The following MRE11 variants were observed in gnomAD, a reference collection of about 807,000 sequenced individuals.
MRE11 encodes the protein MRE11 double strand break repair nuclease.
In MRE11, 62 loss-of-function variants were observed where a neutral mutation model predicts 91.7. That is an observed-to-expected ratio of 0.68 (90% CI 0.55 to 0.84). The LOEUF (loss-of-function observed/expected upper bound fraction) is 0.84, where lower values mean the gene tolerates loss of function less well. Ranked by LOEUF, MRE11 falls within the 40% of genes least tolerant of loss-of-function variation. The pLI, the probability that MRE11 is intolerant of heterozygous loss-of-function variation, is 0.00. For synonymous variants in MRE11, 273 were observed against 271.4 expected (o/e 1.01, Z -0.06); for missense variants, 796 against 852.9 (o/e 0.93, Z 0.83).
intron 1 of MRE11, 101 bp downstream of exon 1, chr11:94,493,690 G>C (rs1947356556): frequency 6.6e-6 from 1 of 152,274 alleles, no homozygotes; most frequent in South Asian, 2.1e-4. Context: ...TTACCCCACT[G>C]CTGGACTCTT....
chr11:94,450,743 G>C (rs1418664345), intron 14 of MRE11, among the ~76,000 whole-genome samples: 1 of 152,024 alleles, frequency 6.6e-6, no homozygotes, highest in Non-Finnish European at 1.5e-5. Flanking sequence ...AGCCTGCTAA[G>C]AATAAATGTA....
Position 94,471,738 on chromosome 11 carries a change from G to A in MRE11, c.681C>T (p.Asn227=), listed in dbSNP as rs1490100562. ...CATCCAAAAATTGTTCTGGAATGAA[G>A]TTAGTACTTCCATGTTTACTCCTGT... is the stretch of plus-strand genomic sequence containing the variant. ...HQNRSKHGST[N]FIPEQFLDDF... Residue 227 remains asparagine (N), a synonymous_variant, in exon 8 of 20, where the codon AAC becomes AAT. Coordinates refer to ENST00000323929, the MANE Select transcript of MRE11 (RefSeq NM_005591.4). The A allele has an allele frequency of 1.9e-6, 3 of 1,611,746 alleles. No homozygotes were observed. The highest frequency in any genetic ancestry group is 2.5e-6 in the Non-Finnish European group (3 of 1,178,658).
At chr11:94,465,586 G>C (rs1224438130) in intron 10 of MRE11, among the ~76,000 whole-genome samples, 1 of 151,850 alleles carries the variant, frequency 6.6e-6, no homozygotes, top group Non-Finnish European at 1.5e-5. Flanking sequence ...AGTAGAGACA[G>C]GGTTTTGCCA....
At chr11:94,478,593 A>C (rs1298512805) in intron 6 of MRE11, 142 bp downstream of exon 6, 2 of 1,017,002 alleles carry the variant, frequency 2.0e-6, no homozygotes, top group Non-Finnish European at 2.8e-6. Flanking sequence ...TTTTTACCAA[A>C]ACCATCCATC....
At chr11:94,456,186 C>T in intron 14 of MRE11, 90 bp downstream of exon 14, 1 of 1,233,870 alleles carries the variant, frequency 8.1e-7, no homozygotes, top group Non-Finnish European at 1.2e-6. Context: ...TCCCCTAGAC[C>T]TATGGACTGA....
At chr11:94,475,528 C>T in intron 7 of MRE11, 1 of 449,502 alleles carries the variant, frequency 2.2e-6, no homozygotes, top group Non-Finnish European at 4.5e-6. Flanking sequence ...GTTTCATTGC[C>T]ATCACTGTCA....
Position 94,466,193 on chromosome 11 carries a change from A to G in MRE11, c.1098+1620T>C, listed in dbSNP as rs397509352. Among the ~76,000 whole-genome samples the G allele has an allele frequency of 6.6e-6, 1 of 152,248 alleles. No homozygotes were observed. Among genetic ancestry groups the G allele is most frequent in the Non-Finnish European group, 1.5e-5 (1 of 68,048 alleles). ...CAGCTTTTTTGGTTTAGACCACATC[A>G]TGTAGACCCCTGAATGCTAACCTAA... On this transcript the variant is annotated intron_variant, in intron 10 of 19. Coordinates refer to ENST00000323929, the MANE Select transcript of MRE11 (RefSeq NM_005591.4).
chr11:94,467,967 C>T (rs1262916407), intron 9 of MRE11, 74 bp from the exon 10 acceptor site: 12 of 1,172,798 alleles, frequency 1.0e-5, no homozygotes, highest in African/African-American at 1.5e-5. Context: ...AGCTTATTAC[C>T]ACAGGAATTT....
intron 18 of MRE11, among the ~76,000 whole-genome samples, chr11:94,431,351 A>G (rs1237140526): frequency 6.6e-6 from 1 of 152,162 alleles, no homozygotes; most frequent in African/African-American, 2.4e-5. Flanking sequence ...TTAAATTATA[A>G]ATAAAACACC....
chr11:94,439,989 G>C (rs1259538055), intron 16 of MRE11, among the ~76,000 whole-genome samples: 1 of 152,180 alleles, frequency 6.6e-6, no homozygotes, highest in Non-Finnish European at 1.5e-5. Flanking sequence ...ACAGTGATGA[G>C]GAGGAATGAT....
the MRE11 span, among the ~76,000 whole-genome samples, chr11:94,506,377 C>G: frequency 2.6e-5 from 4 of 151,956 alleles, no homozygotes; most frequent in East Asian, 5.8e-4. Flanking sequence ...ACCTTTTATA[C>G]TTATTTGTGT....
At chr11:94,472,569 T>C (rs1288082204) in intron 7 of MRE11, among the ~76,000 whole-genome samples, 4 of 152,118 alleles carry the variant, frequency 2.6e-5, no homozygotes, top group Non-Finnish European at 4.4e-5. Context: ...AAACAAGCAA[T>C]GCAGGTTGAG....
At chr11:94,440,399 GACA>G (rs1945744496) in intron 16 of MRE11, among the ~76,000 whole-genome samples, 1 of 149,000 alleles carries the variant, frequency 6.7e-6, no homozygotes, top group Non-Finnish European at 1.5e-5. Context: ...CACTTCTGCT[GACA>G]ACAATCCAAA....
intron 19 of MRE11, among the ~76,000 whole-genome samples, chr11:94,428,119 T>C (rs1945372431): frequency 6.6e-6 from 1 of 152,146 alleles, no homozygotes; most frequent in Non-Finnish European, 1.5e-5. Context: ...GCCAGAAGTA[T>C]AACACTACCC....
intron 3 of MRE11, among the ~76,000 whole-genome samples, chr11:94,488,596 T>C (rs964626539): frequency 2.6e-5 from 4 of 152,200 alleles, no homozygotes; most frequent in Non-Finnish European, 4.4e-5. Context: ...ATGTGGTACA[T>C]ATAAACCATG....
the MRE11 span, among the ~76,000 whole-genome samples, chr11:94,504,536 T>G: frequency 6.6e-6 from 1 of 152,208 alleles, no homozygotes; most frequent in East Asian, 1.9e-4. Flanking sequence ...TTCAAGAAAT[T>G]TGAAAAGATG....
At chr11:94,435,993 G>C in intron 17 of MRE11, 94 bp from the exon 18 acceptor site, 1 of 1,149,140 alleles carries the variant, frequency 8.7e-7, no homozygotes, top group Non-Finnish European at 1.3e-6. Flanking sequence ...TAAATCTTAA[G>C]TTATATATGA....
the MRE11 span, among the ~76,000 whole-genome samples, chr11:94,506,708 C>T: frequency 6.6e-6 from 1 of 151,622 alleles, no homozygotes; most frequent in Non-Finnish European, 1.5e-5. Flanking sequence ...CCAGCCACTG[C>T]CTCCTGTGTA....
At chr11:94,507,063 A>C in the MRE11 span, among the ~76,000 whole-genome samples, 1 of 152,310 alleles carries the variant, frequency 6.6e-6, no homozygotes, top group East Asian at 1.9e-4. Flanking sequence ...GAGTTCTTCA[A>C]AGTGAATAGG....
Sources: gnomAD v4.1 joint callset for allele counts (sites outside exome capture counted in the v4.1 genomes callset) on GRCh38, gnomAD v4.1.1 for gene constraint, MANE v1.5 for transcripts, NCBI Gene and HGNC (gene_info 2026-07-23, HGNC 2026-07-21) for gene names.